The following SLC16A14 variants were observed in gnomAD, a reference collection of about 807,000 sequenced individuals.
SLC16A14 encodes the protein solute carrier family 16 member 14, also known as monocarboxylate transporter 14.
SLC16A14 carries 14 observed loss-of-function variants against 35.8 expected under a neutral mutation model. That is an observed-to-expected ratio of 0.39 (90% CI 0.26 to 0.61). The LOEUF is 0.61. Among genes scored for constraint, SLC16A14 ranks in the 20% least tolerant of loss-of-function variants. The pLI is 0.51. For synonymous variants in SLC16A14, 248 were observed against 258.9 expected, an observed-to-expected ratio of 0.96 and a Z score of 0.40; for missense variants, 533 against 655.0, an observed-to-expected ratio of 0.81 and a Z score of 2.03.
At chr2:230,045,348 A>T (rs1159306995) in intron 4 of SLC16A14, among the ~76,000 whole-genome samples, 1 of 152,234 alleles carries the variant, frequency 6.6e-6, no homozygotes. Flanking sequence ...ACTCGAGGTC[A>T]GAAGTTCAAG....
In SLC16A14 at chr2:230,049,855, C is replaced by G; in HGVS notation, c.309G>C (p.Ala103=). 1 of 1,614,138 alleles carries G rather than the reference C, an allele frequency of 6.2e-7. No individual in the cohort carries two copies. Among genetic ancestry groups the G allele is most frequent in the Non-Finnish European group, 8.5e-7 (1 of 1,180,026 alleles). The part of the protein sequence containing the change: ...FINTCGCRQT[A]IIGGLVNSLG... ...GGGAGTTGACGAGCCCTCCAATGATCGCAGTCTGGCGGCACCCACAGGTGT... is the reference window on the plus strand; with the variant it reads ...GGGAGTTGACGAGCCCTCCAATGATGGCAGTCTGGCGGCACCCACAGGTGT... The change falls in exon 3 of 5, where the codon GCG becomes GCC. Residue 103 remains alanine (A), a synonymous_variant. Transcript: ENST00000295190.
intron 4 of SLC16A14, among the ~76,000 whole-genome samples, chr2:230,042,646 A>G (rs73998720): frequency 0.12 from 18,266 of 152,178 alleles, 1,152 homozygotes; most frequent in Middle Eastern, 0.19. Flanking sequence ...CATACCTCCA[A>G]TGGATATTTA....
In SLC16A14 at chr2:230,035,271, A is replaced by G. The variant is rs1166447575; in HGVS notation, c.*2109T>C. 1 of 152,612 alleles carries G rather than the reference A, an allele frequency of 6.6e-6. No individual in the cohort carries two copies. Among genetic ancestry groups the G allele is most frequent in the African/African-American group, 2.4e-5 (1 of 41,446 alleles). 9.5% of individuals were successfully genotyped at this position (152,612 alleles called of 1,614,324 possible). A position where few individuals can be genotyped will look rare whatever the true frequency, so the allele number is the denominator to read the frequency against. On this transcript the variant is annotated 3_prime_UTR_variant, in exon 5 of 5. Coordinates refer to ENST00000295190, the MANE Select transcript of SLC16A14 (RefSeq NM_152527.5). ...TCAAAACATAGTAAGTCAACACACA[A>G]CTGTACAAACTGAACGTGAGCAAGT...
chr2:230,060,599 C>A (rs141130374), intron 1 of SLC16A14, among the ~76,000 whole-genome samples: 1 of 152,006 alleles, frequency 6.6e-6, no homozygotes, highest in Non-Finnish European at 1.5e-5. Flanking sequence ...TGGCTTCAAG[C>A]GATCCTCCTG....
At chr2:230,058,993 C>T in intron 2 of SLC16A14, 101 bp downstream of exon 2, 1 of 1,489,132 alleles carries the variant, frequency 6.7e-7, no homozygotes, top group Non-Finnish European at 8.9e-7. Context: ...TAGCTAGTAA[C>T]ATCCAATATC....
intron 2 of SLC16A14, among the ~76,000 whole-genome samples, chr2:230,051,687 A>G (rs4973248): frequency 0.92 from 139,777 of 152,270 alleles, 64,247 homozygotes; most frequent in East Asian, 1. Context: ...GATGAACTAT[A>G]TTAAAAACTT....
intron 2 of SLC16A14, among the ~76,000 whole-genome samples, chr2:230,054,096 A>C (rs558465997): frequency 4.0e-5 from 6 of 150,682 alleles, no homozygotes; most frequent in Non-Finnish European, 8.9e-5. Context: ...TGGGGGGGGA[A>C]GTTAAAGCTC....
chr2:230,061,409 T>C (rs2077750947), intron 1 of SLC16A14, among the ~76,000 whole-genome samples: 1 of 152,242 alleles, frequency 6.6e-6, no homozygotes, highest in East Asian at 1.9e-4. Flanking sequence ...TAGTCCCAGC[T>C]ACACACATTA....
At chr2:230,060,149 G>A (rs1352633117) in intron 1 of SLC16A14, among the ~76,000 whole-genome samples, 1 of 152,196 alleles carries the variant, frequency 6.6e-6, no homozygotes, top group Non-Finnish European at 1.5e-5. Flanking sequence ...CAGGTCACCA[G>A]GTGAGGTTAT....
chr2:230,044,290 T>A (rs1276403039), intron 4 of SLC16A14, among the ~76,000 whole-genome samples: 1 of 147,618 alleles, frequency 6.8e-6, no homozygotes, highest in African/African-American at 2.5e-5. Flanking sequence ...CTGGCCAATA[T>A]GGTGAAACCC....
At chr2:230,048,063 C>G (rs1006396878) in intron 3 of SLC16A14, among the ~76,000 whole-genome samples, 2 of 152,164 alleles carry the variant, frequency 1.3e-5, no homozygotes, top group African/African-American at 4.8e-5. Context: ...CTCCTCCTGT[C>G]AAAAGATACA....
chr2:230,040,938 C>T (rs2077556057), intron 4 of SLC16A14, among the ~76,000 whole-genome samples: 1 of 152,182 alleles, frequency 6.6e-6, no homozygotes, highest in African/African-American at 2.4e-5. Flanking sequence ...TTCCTACAAG[C>T]TGCCCTCCTC....
chr2:230,041,216 T>A (rs2077557916), intron 4 of SLC16A14, among the ~76,000 whole-genome samples: 1 of 152,208 alleles, frequency 6.6e-6, no homozygotes, highest in Non-Finnish European at 1.5e-5. Flanking sequence ...GGTGTTAGAT[T>A]TTATGTGAAT....
Position 230,059,247 on chromosome 2 carries a change from T to C in SLC16A14, c.106A>G (p.Met36Val), listed in dbSNP as rs372911069. ...PNIDGGWAWM[M>V]VLSSFFVHIL... Reference sequence around the variant, plus strand: ...TGCACAAAGAAAGAGGAGAGCACCATCATCCAAGCCCATCCGCCATCAATG... The same window carrying C: ...TGCACAAAGAAAGAGGAGAGCACCACCATCCAAGCCCATCCGCCATCAATG... Residue 36 changes from methionine to valine, a missense_variant, in exon 2 of 5, where the codon ATG becomes GTG. Transcript: ENST00000295190. 2.0e-5 allele frequency: 32 copies of C among 1,614,072 alleles called. No individual in the cohort carries two copies. The highest frequency in any genetic ancestry group is 2.7e-5 in the Non-Finnish European group (32 of 1,180,020).
intron 4 of SLC16A14, among the ~76,000 whole-genome samples, chr2:230,045,233 T>C (rs557071460): frequency 1.3e-5 from 2 of 152,324 alleles, no homozygotes; most frequent in African/African-American, 4.8e-5. Context: ...GGATCAAAAG[T>C]TCATCTGCAT....
At chr2:230,053,150 C>G (rs2077676183) in intron 2 of SLC16A14, among the ~76,000 whole-genome samples, 2 of 152,106 alleles carry the variant, frequency 1.3e-5, no homozygotes. Context: ...ACCATGTTGG[C>G]TAGGCTGGTC....
chr2:230,062,346 A>AC (rs2077758081), intron 1 of SLC16A14, among the ~76,000 whole-genome samples: 1 of 124,686 alleles, frequency 8.0e-6, no homozygotes, highest in Non-Finnish European at 1.7e-5. Context: ...GTTTGTTTTT[A>AC]CCTTTTTTTT....
Position 230,035,497 on chromosome 2 carries a change from C to T in SLC16A14, c.*1883G>A, listed in dbSNP as rs1022269470. On this transcript the variant is annotated 3_prime_UTR_variant, in exon 5 of 5. Transcript: ENST00000295190. ...TAAAACATACAACATGTGTTTCAAT[C>T]TAATCATCCTAATTCTATGGTAAAT... The T allele has an allele frequency of 1.3e-5, 2 of 152,622 alleles. No homozygotes were observed. The highest frequency in any genetic ancestry group is 4.8e-5 in the African/African-American group (2 of 41,448). The allele number at this position is 152,622 out of a possible 1,614,324, so 9.5% of individuals were successfully genotyped here.
intron 1 of SLC16A14, among the ~76,000 whole-genome samples, chr2:230,062,722 G>A (rs745629661): frequency 1.4e-4 from 22 of 152,182 alleles, no homozygotes; most frequent in African/African-American, 1.9e-4. Flanking sequence ...AGGGTTTACT[G>A]GGGGAAAAAA....
Sources: allele counts gnomAD v4.1 joint callset (sites outside exome capture counted in the v4.1 genomes callset), GRCh38; gene constraint gnomAD v4.1.1; transcripts MANE v1.5; gene names NCBI Gene and HGNC (gene_info 2026-07-23, HGNC 2026-07-21).